The following PDZRN3 variants were observed in gnomAD, a reference collection of about 807,000 sequenced individuals.
PDZRN3 encodes E3 ubiquitin-protein ligase PDZRN3.
In PDZRN3, 38 loss-of-function variants were observed where a neutral mutation model predicts 85.7. The observed-to-expected ratio is 0.44, with a 90% CI of 0.34 to 0.58. The LOEUF (loss-of-function observed/expected upper bound fraction) is 0.58. Ranked by LOEUF, PDZRN3 falls within the 20% of genes least tolerant of loss-of-function variation. The pLI is 0.01. For synonymous variants in PDZRN3, 759 were observed against 638.0 expected, an observed-to-expected ratio of 1.19 and a Z score of -2.86; for missense variants, 1,629 against 1,506.4, an observed-to-expected ratio of 1.08 and a Z score of -1.35.
intron 3 of PDZRN3, among the ~76,000 whole-genome samples, chr3:73,538,808 C>G (rs550651917): frequency 2.0e-5 from 3 of 152,128 alleles, no homozygotes; most frequent in African/African-American, 7.2e-5. Context: ...TAATTACAGC[C>G]TCATGGCAGC....
intron 3 of PDZRN3, among the ~76,000 whole-genome samples, chr3:73,599,019 T>A (rs764680964): frequency 5.3e-5 from 8 of 152,202 alleles, no homozygotes; most frequent in Non-Finnish European, 1.2e-4. Context: ...AACTATCACA[T>A]ATCCCACCAG....
chr3:73,558,688 C>T (rs1180567889), intron 3 of PDZRN3, among the ~76,000 whole-genome samples: 1 of 152,180 alleles, frequency 6.6e-6, no homozygotes, highest in African/African-American at 2.4e-5. Flanking sequence ...GAATCCATTC[C>T]AAGACAAACA....
intron 3 of PDZRN3, among the ~76,000 whole-genome samples, chr3:73,423,156 G>C (rs1294676460): frequency 6.6e-6 from 1 of 152,196 alleles, no homozygotes; most frequent in Non-Finnish European, 1.5e-5. Context: ...ATCTCCCGCT[G>C]CTAACTGAAA....
Position 73,388,073 on chromosome 3 carries a change from T to TG in PDZRN3, c.1417-5_1417-4insC. The TG allele has an allele frequency of 1.1e-6, 1 of 893,218 alleles. No individual in the cohort carries two copies. Among genetic ancestry groups the TG allele is most frequent in the Non-Finnish European group, 1.6e-6 (1 of 631,670 alleles). 55.3% of individuals were successfully genotyped at this position (893,218 alleles called of 1,614,324 possible). A position where few individuals can be genotyped will look rare whatever the true frequency, so the allele number is the denominator to read the frequency against. Reference sequence around the variant, plus strand: ...TCTGCACCTCTATCCCATTAATCTTTTAAAAAAAAAGGGGGGGTGGGGAGA... The same window carrying TG: ...TCTGCACCTCTATCCCATTAATCTTTGTAAAAAAAAAGGGGGGGTGGGGAGA... On this transcript the variant is annotated splice_region_variant and splice_polypyrimidine_tract_variant and intron_variant, in intron 7 of 9. Coordinates refer to ENST00000263666, the MANE Select transcript of PDZRN3 (RefSeq NM_015009.3).
At chr3:73,520,572 T>C (rs1482909047) in intron 3 of PDZRN3, among the ~76,000 whole-genome samples, 2 of 152,136 alleles carry the variant, frequency 1.3e-5, no homozygotes, top group Non-Finnish European at 2.9e-5. Flanking sequence ...CAAGTTGTCT[T>C]TACAGCCCAA....
At chr3:73,450,207 T>C (rs74424551) in intron 3 of PDZRN3, among the ~76,000 whole-genome samples, 9,406 of 152,296 alleles carry the variant, frequency 0.062, 380 homozygotes, top group Middle Eastern at 0.13. Flanking sequence ...ATGATGCCAG[T>C]CCATTCTACA....
At position 73,383,750 on chromosome 3, in the gene PDZRN3, C is replaced by T. The variant is rs1475230378; in HGVS notation, c.2816G>A (p.Arg939Gln). Residue 939 changes from arginine (R) to glutamine (Q), a missense_variant, in exon 10 of 10, where the codon CGG (arginine) becomes CAG (glutamine). Physicochemically the swap from Arg to Gln is conservative, Grantham distance 43. Coordinates refer to ENST00000263666, the MANE Select transcript of PDZRN3 (RefSeq NM_015009.3). ...GGCGCGCTCCCGCAGCAGGCGGTCC[C>T]GCACGGGCCTCTTGGTGATGTAGCG... ...GTRYITKRPVRDRLLRERALK... is the reference protein window; with the variant it reads ...GTRYITKRPVQDRLLRERALK... The T allele has an allele frequency of 1.9e-6, 3 of 1,612,386 alleles. No individual in the cohort carries two copies. Among genetic ancestry groups the T allele is most frequent in the African/African-American group, 2.7e-5 (2 of 74,948 alleles).
At chr3:73,495,696 T>C (rs1399241405) in intron 3 of PDZRN3, among the ~76,000 whole-genome samples, 5 of 100,804 alleles carry the variant, frequency 5.0e-5, no homozygotes. Context: ...AGAACTTCTC[T>C]AGGACTGATT....
chr3:73,463,216 TCAGACTC>T (rs1171676068), intron 3 of PDZRN3, among the ~76,000 whole-genome samples: 2 of 152,178 alleles, frequency 1.3e-5, no homozygotes, highest in East Asian at 3.9e-4. Flanking sequence ...CCTTACTTGG[TCAGACTC>T]CAGCAGGAAA....
chr3:73,608,034 A>AT (rs1432396534), intron 2 of PDZRN3, among the ~76,000 whole-genome samples: 4 of 152,158 alleles, frequency 2.6e-5, no homozygotes, highest in Admixed American at 1.3e-4. Context: ...TTCTTTGAAC[A>AT]TTTTCCCCAT....
chr3:73,503,328 A>G (rs1704016213), intron 3 of PDZRN3, among the ~76,000 whole-genome samples: 1 of 152,170 alleles, frequency 6.6e-6, no homozygotes, highest in Non-Finnish European at 1.5e-5. Flanking sequence ...GAGGTCATAA[A>G]TCTGACGTAA....
intron 3 of PDZRN3, among the ~76,000 whole-genome samples, chr3:73,496,879 G>A (rs1703877833): frequency 6.6e-6 from 1 of 152,142 alleles, no homozygotes; most frequent in South Asian, 2.1e-4. Context: ...GAAGCTAACT[G>A]AGGACACAGT....
At chr3:73,471,002 C>G (rs116319459) in intron 3 of PDZRN3, among the ~76,000 whole-genome samples, 1 of 152,118 alleles carries the variant, frequency 6.6e-6, no homozygotes, top group Non-Finnish European at 1.5e-5. Flanking sequence ...CCTCCACCCC[C>G]GACTGACTCA....
chr3:73,619,449 T>C (rs776061914), intron 1 of PDZRN3, among the ~76,000 whole-genome samples: 1 of 152,226 alleles, frequency 6.6e-6, no homozygotes, highest in Non-Finnish European at 1.5e-5. Context: ...CCTGGCTTCC[T>C]AGAGGTAGTG....
At chr3:73,457,061 A>G (rs1393805935) in intron 3 of PDZRN3, among the ~76,000 whole-genome samples, 1 of 152,096 alleles carries the variant, frequency 6.6e-6, no homozygotes, top group Non-Finnish European at 1.5e-5. Flanking sequence ...GCAGGGAGAA[A>G]GAAATTTCTA....
At chr3:73,596,377 T>TTC (rs1702430548) in intron 3 of PDZRN3, among the ~76,000 whole-genome samples, 2 of 152,198 alleles carry the variant, frequency 1.3e-5, no homozygotes, top group Non-Finnish European at 2.9e-5. Flanking sequence ...CAATGGATGA[T>TTC]AAAACCAGTG....
chr3:73,599,610 G>A (rs932673411), intron 3 of PDZRN3, among the ~76,000 whole-genome samples: 3 of 152,182 alleles, frequency 2.0e-5, no homozygotes, highest in Non-Finnish European at 4.4e-5. Flanking sequence ...TGTATGTCTT[G>A]CCATATATAC....
At chr3:73,541,918 A>G (rs1704933474) in intron 3 of PDZRN3, among the ~76,000 whole-genome samples, 1 of 152,242 alleles carries the variant, frequency 6.6e-6, no homozygotes, top group Non-Finnish European at 1.5e-5. Flanking sequence ...TGCTTGAAAT[A>G]GTTTCAGCAG....
At chr3:73,506,103 G>A (rs765849937) in intron 3 of PDZRN3, among the ~76,000 whole-genome samples, 2 of 152,124 alleles carry the variant, frequency 1.3e-5, no homozygotes, top group Non-Finnish European at 2.9e-5. Context: ...CATTATCTCT[G>A]CACTGAGATA....
Sources: gnomAD v4.1 joint callset for allele counts (sites outside exome capture counted in the v4.1 genomes callset) on GRCh38, gnomAD v4.1.1 for gene constraint, MANE v1.5 for transcripts, NCBI Gene and HGNC (gene_info 2026-07-23, HGNC 2026-07-21) for gene names.